DENND4C: variants seen among roughly 807,000 people sequenced by gnomAD.
DENND4C encodes the protein DENN domain-containing protein 4C.
A neutral mutation model predicts 203.0 loss-of-function variants in DENND4C; 108 were observed. The ratio of observed to expected loss-of-function variants is 0.53; its 90% CI spans 0.46 to 0.62. The LOEUF (loss-of-function observed/expected upper bound fraction) is 0.62. Among genes scored for constraint, DENND4C ranks in the 20% least tolerant of loss-of-function variants. The pLI, the probability that DENND4C is intolerant of heterozygous loss-of-function variation, is 0.00. For missense variants in DENND4C, 2,481 were observed against 2,301.2 expected (o/e 1.08, Z -1.60); for synonymous variants, 871 against 792.4 (o/e 1.10, Z -1.67).
intron 23 of DENND4C, among the ~76,000 whole-genome samples, chr9:19,348,172 A>C (rs541054073): frequency 6.6e-6 from 1 of 152,208 alleles, no homozygotes; most frequent in South Asian, 2.1e-4. Context: ...CAGCAACCCC[A>C]TGAGGGTGGT....
chr9:19,258,445 C>A (rs555949505), intron 1 of DENND4C, among the ~76,000 whole-genome samples: 3 of 152,124 alleles, frequency 2.0e-5, no homozygotes, highest in African/African-American at 7.2e-5. Context: ...AAATTTCACA[C>A]AAAATTGTAG....
At chr9:19,336,920 G>C in intron 20 of DENND4C, 88 bp downstream of exon 20, 2 of 1,280,170 alleles carry the variant, frequency 1.6e-6, no homozygotes, top group Non-Finnish European at 2.1e-6. Context: ...TCTTGAGTTT[G>C]TGTGATATGA....
At chr9:19,349,794 TTAAA>T (rs967933271) in intron 23 of DENND4C, among the ~76,000 whole-genome samples, 5 of 152,244 alleles carry the variant, frequency 3.3e-5, no homozygotes, top group East Asian at 1.9e-4. Context: ...TCACAGGTGT[TTAAA>T]TAATTAGAAG....
chr9:19,286,843 C>G lies in DENND4C; in HGVS notation c.380C>G (p.Ala127Gly). The G allele has an allele frequency of 3.2e-6, 4 of 1,232,076 alleles. No homozygotes were observed. Among genetic ancestry groups the G allele is most frequent in the Non-Finnish European group, 4.0e-6 (4 of 987,934 alleles). 76.3% of individuals were successfully genotyped at this position (1,232,076 alleles called of 1,614,324 possible). ...VILATPYGRC[A>G]NVNNSSTTSQ... ...CTAGCCACACCCTATGGTCGCTGTG[C>G]CAATGTCAACAATAGTTCAACTACT... Residue 127 changes from alanine to glycine, a missense_variant, in exon 3 of 33, where the codon GCC (alanine) becomes GGC (glycine). Ala to Gly is a moderately conservative substitution (Grantham distance 60, BLOSUM62 0). Around this residue, in one of 3 missense-constraint regions of DENND4C, gnomAD observed 187 missense variants for 167.4 expected, o/e 1.12. Coordinates refer to ENST00000434457, the MANE Select transcript of DENND4C (RefSeq NM_001330640.2).
intron 24 of DENND4C, among the ~76,000 whole-genome samples, chr9:19,351,313 C>T (rs1193091670): frequency 6.6e-6 from 1 of 152,210 alleles, no homozygotes; most frequent in East Asian, 1.9e-4. Flanking sequence ...ATGCAAATGT[C>T]CAAGCCTAAC....
At chr9:19,287,988 C>G (rs977017196) in intron 3 of DENND4C, among the ~76,000 whole-genome samples, 4 of 152,242 alleles carry the variant, frequency 2.6e-5, no homozygotes, top group Non-Finnish European at 5.9e-5. Context: ...CCTGCCTCAG[C>G]TTCCCAAAGT....
rs1279606618 is a variant in DENND4C at position 19,345,939 on chromosome 9, TG to T, written c.3171del (p.Ser1059LeufsTer63). 6.2e-7 allele frequency: 1 copy of T among 1,611,982 alleles called. No homozygotes were observed. The highest frequency in any genetic ancestry group is 2.2e-5 in the East Asian group (1 of 44,866). ...KSSTGSISNV[L>X]FSTQDPVEDA... ...CTTTTAGGTAGTATATCAAATGTGCTGTTTTCTACTCAAGATCCAGTTGAAG... is the reference window on the plus strand; with the variant it reads ...CTTTTAGGTAGTATATCAAATGTGCTTTTTCTACTCAAGATCCAGTTGAAG... On this transcript the variant is annotated frameshift_variant, in exon 23 of 33. Coordinates refer to ENST00000434457, the MANE Select transcript of DENND4C (RefSeq NM_001330640.2). LOFTEE classifies it high-confidence loss of function.
At chr9:19,262,643 A>C (rs2130670303) in intron 1 of DENND4C, among the ~76,000 whole-genome samples, 1 of 150,190 alleles carries the variant, frequency 6.7e-6, no homozygotes, top group Middle Eastern at 3.5e-3. Flanking sequence ...TATCGGCCAG[A>C]CTGGTCTTTA....
chr9:19,301,493 T>C (rs1838567700), intron 9 of DENND4C, among the ~76,000 whole-genome samples: 1 of 152,244 alleles, frequency 6.6e-6, no homozygotes, highest in Non-Finnish European at 1.5e-5. Context: ...GAAGAAGTGC[T>C]GTTAGGACTG....
chr9:19,345,159 C>G (rs7029835), intron 22 of DENND4C, among the ~76,000 whole-genome samples: 27 of 152,316 alleles, frequency 1.8e-4, no homozygotes, highest in Non-Finnish European at 2.9e-5. Context: ...TAGGAAATAA[C>G]AGCTTTTGGT....
intron 15 of DENND4C, among the ~76,000 whole-genome samples, chr9:19,326,915 TTAAC>T (rs1388705972): frequency 6.6e-6 from 1 of 152,114 alleles, no homozygotes; most frequent in Non-Finnish European, 1.5e-5. Context: ...TATGATTTAT[TTAAC>T]TAGCCTCATG....
intron 2 of DENND4C, among the ~76,000 whole-genome samples, chr9:19,283,507 G>A (rs1408638331): frequency 6.6e-6 from 1 of 151,936 alleles, no homozygotes; most frequent in Non-Finnish European, 1.5e-5. Context: ...CATAGTATAT[G>A]CAGTCTGTGC....
In DENND4C at chr9:19,253,285, G is replaced by A. The variant is rs569320815; in HGVS notation, c.-18+22452G>A. ...TGGATGGTTCCTAGTAGTAGTGGCA[G>A]CCTGCATTCTCTCTAGTTCCCACAA... On this transcript the variant is annotated intron_variant, in intron 1 of 32. Coordinates refer to ENST00000434457, the MANE Select transcript of DENND4C (RefSeq NM_001330640.2). Among the ~76,000 whole-genome samples the A allele has an allele frequency of 2.0e-5, 3 of 152,332 alleles. 1 individual carries two copies. In the South Asian group the frequency reaches 6.2e-4, roughly 32 times the overall value.
chr9:19,253,978 A>G (rs1026272211), intron 1 of DENND4C, among the ~76,000 whole-genome samples: 13 of 152,178 alleles, frequency 8.5e-5, no homozygotes, highest in African/African-American at 2.9e-4. Flanking sequence ...CCATGTCTAC[A>G]AAAAATACAA....
chr9:19,308,680 A>G (rs1840165127), intron 10 of DENND4C, among the ~76,000 whole-genome samples: 1 of 152,086 alleles, frequency 6.6e-6, no homozygotes, highest in Non-Finnish European at 1.5e-5. Flanking sequence ...CAAATTTATT[A>G]ATTTCTCTTT....
chr9:19,372,324 TG>T lies in DENND4C; in HGVS notation c.*152del, dbSNP rs1359695388. The stretch of plus-strand genomic sequence containing the variant: ...ATATATAATGAATTATGATTCATAT[TG>T]CATTACCTTGAAATATGAAGTGCCA... On this transcript the variant is annotated 3_prime_UTR_variant, in exon 33 of 33. Coordinates refer to ENST00000434457, the MANE Select transcript of DENND4C (RefSeq NM_001330640.2). 68 of 929,830 alleles carry T rather than the reference TG, an allele frequency of 7.3e-5. No individual in the cohort carries two copies. The East Asian group carries it at 1.8e-3, about 24-fold the overall frequency. The allele number at this position is 929,830 out of a possible 1,614,324, so 57.6% of individuals were successfully genotyped here. A position where few individuals can be genotyped will look rare whatever the true frequency, so the allele number is the denominator to read the frequency against.
intron 3 of DENND4C, among the ~76,000 whole-genome samples, chr9:19,287,776 A>G (rs1318098175): frequency 2.0e-5 from 3 of 151,574 alleles, no homozygotes; most frequent in Non-Finnish European, 4.4e-5. Context: ...TCTGTCGCCC[A>G]GGCTGGAGTG....
chr9:19,232,833 A>C (rs913841100), intron 1 of DENND4C, among the ~76,000 whole-genome samples: 12 of 152,206 alleles, frequency 7.9e-5, no homozygotes, highest in Non-Finnish European at 7.3e-5. Context: ...GTAGCTATAC[A>C]CAAGGGATTT....
rs761201369 is a variant in DENND4C, at chr9:19,325,936, T to G, written c.1954-3T>G. The G allele has an allele frequency of 3.1e-6, 5 of 1,602,510 alleles. No individual in the cohort carries two copies. The highest frequency in any genetic ancestry group is 3.5e-5 in the Admixed American group (2 of 57,472). On this transcript the variant is annotated splice_polypyrimidine_tract_variant and splice_region_variant and intron_variant, in intron 13 of 32. Transcript: ENST00000434457. ...ATTAAGAATCTGTTTTCTTTTTTTCTAGTTGTTTCCTGATAAAGGCACAGA... is the reference window on the plus strand; with the variant it reads ...ATTAAGAATCTGTTTTCTTTTTTTCGAGTTGTTTCCTGATAAAGGCACAGA...
Sources: gnomAD v4.1 joint callset for allele counts (sites outside exome capture counted in the v4.1 genomes callset) on GRCh38, gnomAD v4.1.1 for gene constraint, gnomAD v4.1.1 regional missense constraint, MANE v1.5 for transcripts, NCBI Gene and HGNC (gene_info 2026-07-23, HGNC 2026-07-21) for gene names.